Variants in CD48 observed in about 807,000 individuals in gnomAD.
CD48 encodes CD48 molecule, also known as CD48 antigen.
Under a neutral mutation model 22.0 loss-of-function variants are expected in CD48, and 20 were observed. The observed-to-expected ratio is 0.91, with a 90% CI of 0.64 to 1.32. The LOEUF (loss-of-function observed/expected upper bound fraction) is 1.32. CD48 is among the 40% of genes most tolerant of loss of function. The probability of loss-of-function intolerance (pLI) is 0.00; values close to 1 mark genes in which losing one functional copy is unlikely to be tolerated. For missense variants in CD48, 307 were observed against 286.5 expected, an observed-to-expected ratio of 1.07 and a Z score of -0.52; for synonymous variants, 110 against 110.1, an observed-to-expected ratio of 1.00 and a Z score of 0.01.
At chr1:160,708,085 G>A (rs1467598531) in intron 1 of CD48, among the ~76,000 whole-genome samples, 1 of 152,176 alleles carries the variant, frequency 6.6e-6, no homozygotes, top group Non-Finnish European at 1.5e-5. Context: ...TGAATTTGGG[G>A]GTTGAGAATG....
At chr1:160,707,812 C>T (rs1376871364) in intron 1 of CD48, among the ~76,000 whole-genome samples, 1 of 152,132 alleles carries the variant, frequency 6.6e-6, no homozygotes, top group Non-Finnish European at 1.5e-5. Context: ...CTTTCCTTTG[C>T]TCCCTCCCTC....
chr1:160,680,170 G>A (rs1394742033), intron 3 of CD48, among the ~76,000 whole-genome samples: 1 of 152,200 alleles, frequency 6.6e-6, no homozygotes, highest in African/African-American at 2.4e-5. Context: ...GGGGTCACAG[G>A]TGAATGTGAG....
Position 160,684,924 on chromosome 1 carries a change from C to T in CD48, c.348G>A (p.Gly116=), listed in dbSNP as rs370839346. 1.2e-6 allele frequency: 2 copies of T among 1,614,114 alleles called. No homozygotes were observed. The highest frequency in any genetic ancestry group is 2.2e-5 in the East Asian group (1 of 44,878). ...GCTTGATCTTCCATTCTTGCTCATTCCCAGTCTTTTTCAACACCCTCATGA... is the reference window on the plus strand; with the variant it reads ...GCTTGATCTTCCATTCTTGCTCATTTCCAGTCTTTTTCAACACCCTCATGA... ...TYIMRVLKKT[G]NEQEWKIKLQ... The change falls in exon 2 of 4, where the codon GGG becomes GGA. Residue 116 remains glycine (G), a synonymous_variant. Transcript: ENST00000368046.
At chr1:160,698,337 C>A (rs948742746) in intron 1 of CD48, among the ~76,000 whole-genome samples, 2 of 152,228 alleles carry the variant, frequency 1.3e-5, no homozygotes, top group South Asian at 2.1e-4. Context: ...GCCTCGCCAT[C>A]CATCCATATT....
At chr1:160,694,677 T>C (rs1434431750) in intron 1 of CD48, among the ~76,000 whole-genome samples, 5 of 151,984 alleles carry the variant, frequency 3.3e-5, no homozygotes, top group Admixed American at 3.3e-4. Flanking sequence ...GGAAAGGGAC[T>C]AGGAAAAAAT....
At chr1:160,687,514 G>T (rs1662045537) in intron 1 of CD48, among the ~76,000 whole-genome samples, 1 of 152,170 alleles carries the variant, frequency 6.6e-6, no homozygotes, top group African/African-American at 2.4e-5. Flanking sequence ...AAGAAATTAT[G>T]AAAGTATTAA....
intron 1 of CD48, among the ~76,000 whole-genome samples, chr1:160,698,321 T>C (rs555709406): frequency 6.6e-6 from 1 of 152,298 alleles, no homozygotes; most frequent in African/African-American, 2.4e-5. Flanking sequence ...GGACCGACCG[T>C]GGGAGGCCTC....
intron 1 of CD48, among the ~76,000 whole-genome samples, chr1:160,692,791 A>G (rs1662273514): frequency 2.6e-5 from 4 of 152,232 alleles, no homozygotes; most frequent in Admixed American, 2.6e-4. Flanking sequence ...AGCCTCTCAC[A>G]GTTGAGGCCA....
chr1:160,707,589 G>T (rs1415764494), intron 1 of CD48, among the ~76,000 whole-genome samples: 2 of 152,120 alleles, frequency 1.3e-5, no homozygotes, highest in African/African-American at 4.8e-5. Flanking sequence ...AGGGCTTCCT[G>T]CCTAATGGTC....
At chr1:160,697,282 C>T (rs899410356) in intron 1 of CD48, among the ~76,000 whole-genome samples, 1 of 152,422 alleles carries the variant, frequency 6.6e-6, no homozygotes, top group African/African-American at 2.4e-5. Flanking sequence ...ATTTGAAGTT[C>T]TACAATGAAC....
At chr1:160,702,388 C>A (rs897348185) in intron 1 of CD48, among the ~76,000 whole-genome samples, 4 of 152,096 alleles carry the variant, frequency 2.6e-5, no homozygotes, top group Non-Finnish European at 5.9e-5. Context: ...CTGGGGGTTG[C>A]ACTGGGACTG....
chr1:160,691,762 C>T (rs1448157791), intron 1 of CD48: 3 of 364,802 alleles, frequency 8.2e-6, no homozygotes, highest in Non-Finnish European at 1.5e-5. Flanking sequence ...CATCTGGTGC[C>T]CAACGTGGAG....
At chr1:160,701,089 AT>A (rs1662614399) in intron 1 of CD48, among the ~76,000 whole-genome samples, 2 of 152,016 alleles carry the variant, frequency 1.3e-5, no homozygotes. Context: ...AGTACTTTCC[AT>A]TGATAATGAA....
intron 1 of CD48, among the ~76,000 whole-genome samples, chr1:160,709,507 T>C (rs536691487): frequency 3.9e-5 from 6 of 152,294 alleles, no homozygotes; most frequent in African/African-American, 1.4e-4. Flanking sequence ...CTAGGTCATC[T>C]CATTTCTAGT....
chr1:160,679,015 TG>T lies in CD48; in HGVS notation c.*36del. 1 of 1,502,062 alleles carries T rather than the reference TG, an allele frequency of 6.7e-7. No homozygotes were observed. The highest frequency in any genetic ancestry group is 9.3e-7 in the Non-Finnish European group (1 of 1,077,806). 93.0% of individuals were successfully genotyped at this position (1,502,062 alleles called of 1,614,324 possible). On this transcript the variant is annotated 3_prime_UTR_variant, in exon 4 of 4. Coordinates refer to ENST00000368046, the MANE Select transcript of CD48 (RefSeq NM_001778.4). ...ATGATCACCAACAGGCAAGATCTTCTGGCCTTGAAGTTTCGCTTGAGTTAAA... is the reference window on the plus strand; with the variant it reads ...ATGATCACCAACAGGCAAGATCTTCTGCCTTGAAGTTTCGCTTGAGTTAAA...
intron 1 of CD48, chr1:160,698,927 A>G (rs1090799): frequency 0.76 from 114,623 of 151,470 alleles, 43,481 homozygotes; most frequent in East Asian, 0.83. Flanking sequence ...CATATTAATC[A>G]TTGTGTGCCT....
At chr1:160,693,701 T>A (rs1056199178) in intron 1 of CD48, among the ~76,000 whole-genome samples, 1 of 137,444 alleles carries the variant, frequency 7.3e-6, no homozygotes, top group Admixed American at 7.3e-5. Flanking sequence ...AAATGGGCAA[T>A]CATTGTCGGG....
chr1:160,679,009 ATCT>A lies in CD48; in HGVS notation c.*40_*42del. 1 of 1,450,094 alleles carries A rather than the reference ATCT, an allele frequency of 6.9e-7. No homozygotes were observed. Among genetic ancestry groups the A allele is most frequent in the Non-Finnish European group, 9.7e-7 (1 of 1,030,594 alleles). 89.8% of individuals were successfully genotyped at this position (1,450,094 alleles called of 1,614,324 possible). The stretch of plus-strand genomic sequence containing the variant: ...AGGAGCATGATCACCAACAGGCAAG[ATCT>A]TCTGGCCTTGAAGTTTCGCTTGAGT... On this transcript the variant is annotated 3_prime_UTR_variant, in exon 4 of 4. Transcript: ENST00000368046.
At chr1:160,698,465 T>C (rs999592472) in intron 1 of CD48, among the ~76,000 whole-genome samples, 1 of 152,172 alleles carries the variant, frequency 6.6e-6, no homozygotes, top group Non-Finnish European at 1.5e-5. Context: ...AGGAGTTGCA[T>C]TGCACTCTTC....
Sources: gnomAD v4.1 joint callset for allele counts (sites outside exome capture counted in the v4.1 genomes callset) on GRCh38, gnomAD v4.1.1 for gene constraint, MANE v1.5 for transcripts, NCBI Gene and HGNC (gene_info 2026-07-23, HGNC 2026-07-21) for gene names.